The following TOX3 variants were observed in gnomAD, a reference collection of about 807,000 sequenced individuals.
The protein encoded by TOX3 is TOX high mobility group box family member 3.
TOX3 carries 22 observed loss-of-function variants against 64.3 expected under a neutral mutation model. That is an observed-to-expected ratio of 0.34 (90% CI 0.24 to 0.49). The LOEUF is 0.49. TOX3 is among the 20% of genes least tolerant of loss of function. TOX3 has a pLI of 0.99. For synonymous variants in TOX3, 291 were observed against 273.6 expected (o/e 1.06, Z -0.63); for missense variants, 661 against 714.4 (o/e 0.93, Z 0.85).
chr16:52,468,236 C>A (rs1441385064), intron 2 of TOX3, among the ~76,000 whole-genome samples: 2 of 152,164 alleles, frequency 1.3e-5, no homozygotes, highest in East Asian at 3.8e-4. Flanking sequence ...TGTGTTTTAA[C>A]ATACATTCTT....
At chr16:52,447,021 T>C (rs1455497003) in intron 4 of TOX3, among the ~76,000 whole-genome samples, 1 of 152,174 alleles carries the variant, frequency 6.6e-6, no homozygotes, top group Non-Finnish European at 1.5e-5. Flanking sequence ...CCATAGAGAC[T>C]CACACACATT....
At chr16:52,460,960 A>G (rs1056168932) in intron 3 of TOX3, among the ~76,000 whole-genome samples, 4 of 152,202 alleles carry the variant, frequency 2.6e-5, no homozygotes, top group African/African-American at 7.2e-5. Flanking sequence ...GCATGCTTGC[A>G]TGAATATCTT....
intron 1 of TOX3, among the ~76,000 whole-genome samples, chr16:52,519,070 A>G (rs1329702315): frequency 6.6e-6 from 1 of 152,242 alleles, no homozygotes; most frequent in African/African-American, 2.4e-5. Flanking sequence ...TCACAAGACA[A>G]CTATTGCCAG....
chr16:52,546,063 A>C (rs1318696952), intron 1 of TOX3, among the ~76,000 whole-genome samples: 1 of 152,148 alleles, frequency 6.6e-6, no homozygotes, highest in Non-Finnish European at 1.5e-5. Context: ...TCCGAGGTCC[A>C]AAGTGCCCTA....
At chr16:52,493,222 G>A (rs1470899258) in intron 1 of TOX3, among the ~76,000 whole-genome samples, 1 of 152,160 alleles carries the variant, frequency 6.6e-6, no homozygotes, top group Non-Finnish European at 1.5e-5. Flanking sequence ...AAGTGAGAAA[G>A]ACATGTAAGG....
intron 1 of TOX3, among the ~76,000 whole-genome samples, chr16:52,492,115 G>A (rs1001035606): frequency 7.9e-5 from 12 of 151,564 alleles, no homozygotes; most frequent in Non-Finnish European, 1.6e-4. Flanking sequence ...CTCAAAATGG[G>A]TCTGTACAAT....
At chr16:52,543,079 A>T (rs1229595985) in intron 1 of TOX3, among the ~76,000 whole-genome samples, 1 of 152,210 alleles carries the variant, frequency 6.6e-6, no homozygotes, top group Non-Finnish European at 1.5e-5. Context: ...AGCCCTAAAA[A>T]TATGCAGAAA....
In TOX3 at chr16:52,438,642, C is replaced by A. The variant is rs551177668; in HGVS notation, c.*583G>T. 130 of 182,812 alleles carry A rather than the reference C, an allele frequency of 7.1e-4. No individual in the cohort carries two copies. The highest frequency in any genetic ancestry group is 3.0e-3 in the African/African-American group (125 of 41,764). The allele number at this position is 182,812 out of a possible 1,614,324, so 11.3% of individuals were successfully genotyped here. On this transcript the variant is annotated 3_prime_UTR_variant, in exon 7 of 7. Coordinates refer to ENST00000219746, the MANE Select transcript of TOX3 (RefSeq NM_001080430.4). ...GTCAATAATTGAATTTAGTCACTTG[C>A]ATTTTTTTTCTGGAGAGATTTAGGA...
chr16:52,546,687 G>C lies in TOX3; in HGVS notation c.37C>G (p.Pro13Ala), dbSNP rs1226831854. The C allele has an allele frequency of 1.9e-6, 3 of 1,542,696 alleles. No homozygotes were observed. Among genetic ancestry groups the C allele is most frequent in the East Asian group, 4.9e-5 (2 of 41,126 alleles). The change falls in exon 1 of 7, where the codon CCT becomes GCT. Residue 13 changes from proline (P) to alanine (A), a missense_variant. Transcript: ENST00000219746. ...CACTGCGCGAAGTCCAGGCTGGCAG[G>C]GTCCCCGGCCGCCGCGGGGTAGAAC... ...VRFYPAAAGDPASLDFAQCLG... is the reference protein window; with the variant it reads ...VRFYPAAAGDAASLDFAQCLG...
intron 1 of TOX3, among the ~76,000 whole-genome samples, chr16:52,493,262 C>T (rs1282617627): frequency 6.6e-5 from 10 of 152,118 alleles, no homozygotes; most frequent in African/African-American, 2.4e-4. Context: ...ACCTTGGACA[C>T]GCATATACCT....
chr16:52,523,446 T>G (rs568828910), intron 1 of TOX3, among the ~76,000 whole-genome samples: 2 of 152,168 alleles, frequency 1.3e-5, no homozygotes, highest in Non-Finnish European at 2.9e-5. Flanking sequence ...GCTTACTTAT[T>G]TTTCTCAAAT....
chr16:52,510,554 G>C (rs940744091), intron 1 of TOX3, among the ~76,000 whole-genome samples: 1 of 151,996 alleles, frequency 6.6e-6, no homozygotes, highest in Non-Finnish European at 1.5e-5. Flanking sequence ...TCAGAAGTTT[G>C]AGACCAGCCT....
Position 52,439,600 on chromosome 16 carries a change from TTGCTGCTGC to T in TOX3, c.1347_1355del (p.Gln453_Gln455del). 3.1e-6 allele frequency: 5 copies of T among 1,598,990 alleles called. No homozygotes were observed. Among genetic ancestry groups the T allele is most frequent in the Non-Finnish European group, 4.3e-6 (5 of 1,169,116 alleles). ...GCTGCATCTGTTGCATCTGTTGTTG[TTGCTGCTGC>T]TGCTGCTGCTGCAATTGCATCTGAT... On this transcript the variant is annotated inframe_deletion, in exon 7 of 7. Transcript: ENST00000219746.
At chr16:52,485,267 T>TATATATATATATATATATATAC (rs1163640369) in intron 1 of TOX3, among the ~76,000 whole-genome samples, 10 of 137,844 alleles carry the variant, frequency 7.3e-5, no homozygotes, top group African/African-American at 2.6e-4. Flanking sequence ...TATATATATA[T>TATATATATATATATATATATAC]ATATACATAT....
intron 1 of TOX3, among the ~76,000 whole-genome samples, chr16:52,536,601 A>T (rs1011626478): frequency 1.0e-4 from 14 of 134,358 alleles, no homozygotes; most frequent in South Asian, 2.5e-4. Context: ...CTTCCCCAAC[A>T]TCTTTTCTAC....
chr16:52,453,808 C>T (rs1487156872), intron 3 of TOX3, among the ~76,000 whole-genome samples: 1 of 152,192 alleles, frequency 6.6e-6, no homozygotes, highest in Non-Finnish European at 1.5e-5. Context: ...GTCAGCCCTT[C>T]CTGAATTCCA....
chr16:52,547,483 T>A (rs528834284), upstream of TOX3: 8 of 152,112 alleles, frequency 5.3e-5, no homozygotes, highest in African/African-American at 1.9e-4. Flanking sequence ...TGTCCCACCC[T>A]CCTCCTGCGC....
intron 1 of TOX3, among the ~76,000 whole-genome samples, chr16:52,482,735 C>T (rs985259380): frequency 6.6e-6 from 1 of 152,096 alleles, no homozygotes; most frequent in South Asian, 2.1e-4. Flanking sequence ...AACTCTTATA[C>T]GAAGTGTACA....
At position 52,439,851 on chromosome 16, in the gene TOX3, A is replaced by T. The variant is rs1283474466; in HGVS notation, c.1105T>A (p.Ser369Thr). 6.2e-7 allele frequency: 1 copy of T among 1,613,814 alleles called. No individual in the cohort carries two copies. Among genetic ancestry groups the T allele is most frequent in the Non-Finnish European group, 8.5e-7 (1 of 1,179,830 alleles). The change falls in exon 7 of 7, where the codon TCA (serine) becomes ACA (threonine). Residue 369 changes from serine (S) to threonine (T), a missense_variant. Ser to Thr is a moderately conservative substitution (Grantham distance 58). Around this residue, in one of 3 missense-constraint regions of TOX3, gnomAD observed 299 missense variants for 292.1 expected, o/e 1.02. Coordinates refer to ENST00000219746, the MANE Select transcript of TOX3 (RefSeq NM_001080430.4). ...TGCTGGAGAGTCTGAGGTGATGCTGACACTGTTCCATGTTGAGACAGTGGA... is the reference window on the plus strand; with the variant it reads ...TGCTGGAGAGTCTGAGGTGATGCTGTCACTGTTCCATGTTGAGACAGTGGA... Reference protein sequence around the residue: ...NTPLSQHGTVSASPQTLQQSL... With the variant: ...NTPLSQHGTVTASPQTLQQSL...
Sources: gnomAD v4.1 joint callset for allele counts (sites outside exome capture counted in the v4.1 genomes callset) on GRCh38, gnomAD v4.1.1 for gene constraint, gnomAD v4.1.1 regional missense constraint, MANE v1.5 for transcripts, NCBI Gene and HGNC (gene_info 2026-07-23, HGNC 2026-07-21) for gene names.